Variants in TMEFF1 observed in about 807,000 individuals in gnomAD.
TMEFF1 encodes the protein tomoregulin-1.
Under a neutral mutation model 47.5 loss-of-function variants are expected in TMEFF1, and 20 were observed. That is an observed-to-expected ratio of 0.42 (90% confidence interval 0.30 to 0.61). TMEFF1 has a LOEUF of 0.61. TMEFF1 is among the 20% of genes least tolerant of loss of function. TMEFF1 has a pLI of 0.19. For missense variants in TMEFF1, 411 were observed against 471.1 expected, an observed-to-expected ratio of 0.87 and a Z score of 1.18; for synonymous variants, 162 against 166.3, an observed-to-expected ratio of 0.97 and a Z score of 0.20.
intron 8 of TMEFF1, among the ~76,000 whole-genome samples, chr9:100,562,530 G>A (rs1018548471): frequency 6.6e-6 from 1 of 151,792 alleles, no homozygotes; most frequent in Non-Finnish European, 1.5e-5. Context: ...CTGATTGAAA[G>A]TTCTCCTTGT....
At chr9:100,509,190 A>G in intron 3 of TMEFF1, 56 bp downstream of exon 3, 2 of 1,423,304 alleles carry the variant, frequency 1.4e-6, no homozygotes, top group Non-Finnish European at 1.8e-6. Context: ...ATCATTTCTA[A>G]AAGGGGGTTT....
intron 4 of TMEFF1, among the ~76,000 whole-genome samples, chr9:100,514,261 C>A (rs1478646290): frequency 6.6e-6 from 1 of 151,472 alleles, no homozygotes; most frequent in Non-Finnish European, 1.5e-5. Flanking sequence ...TGAAGGTCTC[C>A]TGGAGAATAG....
chr9:100,522,425 A>ATCT (rs1266218917), intron 5 of TMEFF1, among the ~76,000 whole-genome samples: 1 of 121,428 alleles, frequency 8.2e-6, no homozygotes, highest in Non-Finnish European at 1.8e-5. Context: ...ATCCAGAAAT[A>ATCT]TCTTCTTTTT....
At chr9:100,506,057 G>T (rs1447891670) in intron 2 of TMEFF1, among the ~76,000 whole-genome samples, 1 of 152,184 alleles carries the variant, frequency 6.6e-6, no homozygotes, top group Non-Finnish European at 1.5e-5. Context: ...TTTAAGAAAA[G>T]TTGGTGTAAG....
intron 5 of TMEFF1, among the ~76,000 whole-genome samples, chr9:100,527,115 C>G (rs1429483772): frequency 6.6e-6 from 1 of 151,646 alleles, no homozygotes; most frequent in Non-Finnish European, 1.5e-5. Flanking sequence ...TGCACTCCAG[C>G]CTGGGCGACA....
chr9:100,545,469 G>C (rs1838716068), intron 5 of TMEFF1, among the ~76,000 whole-genome samples: 2 of 152,180 alleles, frequency 1.3e-5, no homozygotes. Flanking sequence ...CAAGTCCCTA[G>C]GCTGCACAGA....
At chr9:100,501,403 T>G (rs1382957925) in intron 2 of TMEFF1, among the ~76,000 whole-genome samples, 3 of 152,192 alleles carry the variant, frequency 2.0e-5, no homozygotes, top group African/African-American at 7.2e-5. Context: ...ATTGAAAATG[T>G]GCTGTATATT....
rs143466639 is a variant in TMEFF1, at chr9:100,542,997, T to G, written c.561-4747T>G. Among the ~76,000 whole-genome samples, 676 of 151,138 alleles carry G rather than the reference T, an allele frequency of 4.5e-3. 14 individuals are homozygous for G. Among genetic ancestry groups the G allele is most frequent in the East Asian group, 0.033 (172 of 5,138 alleles). The stretch of plus-strand genomic sequence containing the variant: ...AGGCTGGAGTGCAGTGGTGTGATCT[T>G]GGCTCAGCGCAACCTCCGCCTCCTG... On this transcript the variant is annotated intron_variant, in intron 5 of 9. Transcript: ENST00000374879.
intron 1 of TMEFF1, among the ~76,000 whole-genome samples, chr9:100,475,171 A>G (rs1434893325): frequency 6.6e-6 from 1 of 152,178 alleles, no homozygotes; most frequent in Non-Finnish European, 1.5e-5. Flanking sequence ...TATTTCTGGA[A>G]GAGTGAGGAA....
At chr9:100,544,392 A>G (rs1159720013) in intron 5 of TMEFF1, among the ~76,000 whole-genome samples, 1 of 152,218 alleles carries the variant, frequency 6.6e-6, no homozygotes, top group Non-Finnish European at 1.5e-5. Context: ...GCAGGCAAAG[A>G]GAGAGCTTGT....
intron 1 of TMEFF1, among the ~76,000 whole-genome samples, chr9:100,474,426 A>T (rs1019259566): frequency 6.6e-6 from 1 of 151,852 alleles, no homozygotes; most frequent in Non-Finnish European, 1.5e-5. Context: ...GGAAAGTCCC[A>T]GGGCCCAGGA....
At chr9:100,563,385 G>A (rs1472903069) in intron 8 of TMEFF1, among the ~76,000 whole-genome samples, 3 of 152,228 alleles carry the variant, frequency 2.0e-5, no homozygotes, top group Non-Finnish European at 4.4e-5. Context: ...AATGAAGGAC[G>A]AGAGAGAGGA....
Position 100,547,771 on chromosome 9 carries a change from A to G in TMEFF1, c.588A>G (p.Gly196=). 2 of 1,597,908 alleles carry G rather than the reference A, an allele frequency of 1.3e-6. No individual in the cohort carries two copies. The highest frequency in any genetic ancestry group is 1.7e-6 in the Non-Finnish European group (2 of 1,173,850). The change falls in exon 6 of 10, where the codon GGA becomes GGG. Residue 196 remains glycine, a synonymous_variant. Coordinates refer to ENST00000374879, the MANE Select transcript of TMEFF1 (RefSeq NM_003692.5). ...GTGTATGTAATATAGATTGCAGTGG[A>G]TACAGTTTTAATCCTGTGTGTGCTT... ...VGCVCNIDCS[G]YSFNPVCASD...
intron 7 of TMEFF1, among the ~76,000 whole-genome samples, chr9:100,551,479 A>G (rs1422568398): frequency 1.3e-5 from 2 of 152,228 alleles, no homozygotes; most frequent in African/African-American, 4.8e-5. Flanking sequence ...CTTCAGTTTT[A>G]TTCACTATAT....
intron 1 of TMEFF1, among the ~76,000 whole-genome samples, chr9:100,482,938 T>C (rs894361991): frequency 6.6e-6 from 1 of 152,242 alleles, no homozygotes; most frequent in South Asian, 2.1e-4. Context: ...TCTCTGATTA[T>C]ACCATTGTCC....
intron 9 of TMEFF1, among the ~76,000 whole-genome samples, chr9:100,574,532 T>G (rs2118587838): frequency 6.6e-6 from 1 of 152,070 alleles, no homozygotes; most frequent in African/African-American, 2.4e-5. Context: ...CCACCATGCC[T>G]TGCTAATTTT....
intron 5 of TMEFF1, among the ~76,000 whole-genome samples, chr9:100,539,601 G>C (rs561760671): frequency 1.7e-4 from 26 of 152,288 alleles, no homozygotes; most frequent in African/African-American, 6.3e-4. Context: ...CTGGCTTCAG[G>C]AGTGAAGCTG....
At chr9:100,482,230 C>G (rs921204185) in intron 1 of TMEFF1, among the ~76,000 whole-genome samples, 2 of 146,848 alleles carry the variant, frequency 1.4e-5, no homozygotes, top group Non-Finnish European at 3.0e-5. Flanking sequence ...CAGTATCTTG[C>G]TCTGTTGCCC....
chr9:100,514,861 G>T (rs570560208), intron 4 of TMEFF1, among the ~76,000 whole-genome samples: 52 of 152,080 alleles, frequency 3.4e-4, no homozygotes, highest in African/African-American at 1.2e-3. Flanking sequence ...CAGGCGTGGT[G>T]GTGGGCGCCT....
Sources: gnomAD v4.1 joint callset for allele counts (sites outside exome capture counted in the v4.1 genomes callset) on GRCh38, gnomAD v4.1.1 for gene constraint, MANE v1.5 for transcripts, NCBI Gene and HGNC (gene_info 2026-07-23, HGNC 2026-07-21) for gene names.